Variants in KLHL6 observed in about 807,000 individuals in gnomAD.
KLHL6 encodes kelch-like protein 6.
In KLHL6, 41 loss-of-function variants were observed where a neutral mutation model predicts 58.6. The ratio of observed to expected loss-of-function variants is 0.70; its 90% CI spans 0.55 to 0.91. The LOEUF (loss-of-function observed/expected upper bound fraction) is 0.91, where lower values mean the gene tolerates loss of function less well. KLHL6 is among the 40% of genes least tolerant of loss of function. The probability of loss-of-function intolerance (pLI) is 0.00; values close to 1 mark genes in which losing one functional copy is unlikely to be tolerated. For missense variants in KLHL6, 714 were observed against 805.6 expected (o/e 0.89, Z 1.38); for synonymous variants, 338 against 322.7 (o/e 1.05, Z -0.51).
intron 1 of KLHL6, among the ~76,000 whole-genome samples, chr3:183,553,278 G>A (rs568226787): frequency 2.3e-4 from 35 of 152,042 alleles, no homozygotes; most frequent in African/African-American, 7.5e-4. Context: ...TCTGACGACC[G>A]GCAGAGACTT....
intron 4 of KLHL6, 116 bp from the exon 5 acceptor site, chr3:183,494,397 G>A: frequency 1.3e-6 from 1 of 781,632 alleles, no homozygotes; most frequent in South Asian, 1.6e-5. Flanking sequence ...TACCCTGAGG[G>A]GAGATACAAG....
At chr3:183,555,299 C>T (rs1713069067) in intron 1 of KLHL6, 62 bp downstream of exon 1, 1 of 1,445,622 alleles carries the variant, frequency 6.9e-7, no homozygotes, top group Admixed American at 1.8e-5. Flanking sequence ...TGGGCTCTCA[C>T]ACTAACACAC....
intron 1 of KLHL6, among the ~76,000 whole-genome samples, chr3:183,531,406 A>G (rs999315812): frequency 6.7e-6 from 1 of 148,348 alleles, no homozygotes; most frequent in African/African-American, 2.5e-5. Flanking sequence ...CTTGGGACAC[A>G]TCACTTCTTC....
chr3:183,516,381 C>T (rs1711557481), intron 2 of KLHL6, among the ~76,000 whole-genome samples: 1 of 152,228 alleles, frequency 6.6e-6, no homozygotes, highest in South Asian at 2.1e-4. Flanking sequence ...CGGCCTGTCC[C>T]GATGACACAT....
intron 2 of KLHL6, among the ~76,000 whole-genome samples, chr3:183,508,806 C>T (rs1281409650): frequency 2.0e-5 from 3 of 152,154 alleles, no homozygotes; most frequent in Non-Finnish European, 2.9e-5. Context: ...GAGACACTTA[C>T]GGGACTAGCT....
intron 2 of KLHL6, 82 bp downstream of exon 2, chr3:183,527,763 G>C (rs919639099): frequency 7.1e-6 from 9 of 1,262,312 alleles, no homozygotes; most frequent in Middle Eastern, 2.6e-4. Context: ...ACAGGCCTGG[G>C]AGCTAGACCA....
chr3:183,511,545 G>A (rs1420404679), intron 2 of KLHL6, among the ~76,000 whole-genome samples: 2 of 152,130 alleles, frequency 1.3e-5, no homozygotes, highest in East Asian at 1.9e-4. Flanking sequence ...CCCATCCCAC[G>A]AGGCCATATT....
At chr3:183,541,610 C>T in intron 1 of KLHL6, among the ~76,000 whole-genome samples, 1 of 152,154 alleles carries the variant, frequency 6.6e-6, no homozygotes, top group Non-Finnish European at 1.5e-5. Context: ...GAGGCCAAGG[C>T]AGGAGGCTCA....
At chr3:183,531,046 C>G (rs1460978849) in intron 1 of KLHL6, among the ~76,000 whole-genome samples, 1 of 151,920 alleles carries the variant, frequency 6.6e-6, no homozygotes, top group Non-Finnish European at 1.5e-5. Flanking sequence ...GTTGGCCAGG[C>G]TGGTCTCAAA....
chr3:183,494,015 A>C, intron 5 of KLHL6, 64 bp downstream of exon 5: 1 of 1,463,126 alleles, frequency 6.8e-7, no homozygotes, highest in South Asian at 1.1e-5. Flanking sequence ...CACGTTCCAA[A>C]GCTTTTTAAA....
At position 183,488,677 on chromosome 3, in the gene KLHL6, C is replaced by T. The variant is rs1279890650; in HGVS notation, c.*3250G>A. On this transcript the variant is annotated 3_prime_UTR_variant, in exon 7 of 7. Transcript: ENST00000341319. ...TGATGGTGTGGGTTATAACAGTTACCTTCCTGCAAATGTGTTCGTCTTTAT... is the reference window on the plus strand; with the variant it reads ...TGATGGTGTGGGTTATAACAGTTACTTTCCTGCAAATGTGTTCGTCTTTAT... 2 of 152,204 alleles carry T rather than the reference C, an allele frequency of 1.3e-5. No homozygotes were observed. Among genetic ancestry groups the T allele is most frequent in the African/African-American group, 4.8e-5 (2 of 41,446 alleles). 9.4% of individuals were successfully genotyped at this position (152,204 alleles called of 1,614,324 possible).
intron 2 of KLHL6, among the ~76,000 whole-genome samples, chr3:183,517,034 G>A (rs936264219): frequency 1.9e-4 from 29 of 152,178 alleles, no homozygotes; most frequent in African/African-American, 4.6e-4. Context: ...TCAGCCTCCC[G>A]AGTAGCTGGG....
chr3:183,510,261 T>A (rs545130194), intron 2 of KLHL6, among the ~76,000 whole-genome samples: 42 of 143,644 alleles, frequency 2.9e-4, no homozygotes, highest in African/African-American at 1.0e-3. Flanking sequence ...GGTTGATCGA[T>A]TAATGGGGGG....
intron 1 of KLHL6, among the ~76,000 whole-genome samples, chr3:183,531,455 T>G (rs1445892514): frequency 5.1e-5 from 7 of 138,094 alleles, no homozygotes; most frequent in South Asian, 5.0e-4. Context: ...TTTTTTTTTT[T>G]TTTTTTTTTT....
chr3:183,520,070 A>T (rs141543214), intron 2 of KLHL6: 1 of 152,344 alleles, frequency 6.6e-6, no homozygotes, highest in Non-Finnish European at 1.5e-5. Context: ...AACAGATGCT[A>T]GAGCAGTAAT....
At position 183,527,918 on chromosome 3, in the gene KLHL6, T is replaced by C; in HGVS notation, c.386A>G (p.Tyr129Cys). The part of the protein sequence containing the change: ...DAETMHTLLD[Y>C]TYTSKALITK... ...GATCAGCGCCTTGCTGGTGTACGTG[T>C]AGTCCAACAGAGTGTGCATGGTCTC... The change falls in exon 2 of 7, where the codon TAC becomes TGC. Residue 129 changes from tyrosine to cysteine, a missense_variant. Physicochemically the swap from Tyr to Cys is radical, Grantham distance 194. This residue lies in a region of KLHL6 where 204 missense variants were observed against 175.9 expected (regional missense o/e 1.16). Transcript: ENST00000341319. 6.2e-7 allele frequency: 1 copy of C among 1,614,110 alleles called. No homozygotes were observed. Among genetic ancestry groups the C allele is most frequent in the Non-Finnish European group, 8.5e-7 (1 of 1,179,992 alleles).
rs779396978 is a variant in KLHL6, at chr3:183,555,362, T to G, written c.292A>C (p.Arg98=). 1.2e-6 allele frequency: 2 copies of G among 1,613,632 alleles called. No individual in the cohort carries two copies. The highest frequency in any genetic ancestry group is 2.2e-5 in the East Asian group (1 of 44,888). Residue 98 remains arginine, a splice_region_variant and synonymous_variant, in exon 1 of 7, where the codon AGG becomes CGG. Transcript: ENST00000341319. The stretch of plus-strand genomic sequence containing the variant: ...GACTCTGGTCCTAGGCATGCTGACC[T>G]GAAATAGTTGCTGGCTGCGGCAAGC... ...VVLAAASNYF[R]AMFCNDLKEK...
chr3:183,543,825 G>A lies in KLHL6; in HGVS notation c.293+11536C>T, dbSNP rs1446212999. Among the ~76,000 whole-genome samples the A allele has an allele frequency of 2.0e-5, 3 of 152,278 alleles. No individual in the cohort carries two copies. In the East Asian group the frequency reaches 5.8e-4, roughly 29 times the overall value. On this transcript the variant is annotated intron_variant, in intron 1 of 6. Transcript: ENST00000341319. ...AGATCCCAGAGCATCTCTTCAGAAA[G>A]GGCTATGATGCAACCTGTTAGTTTT...
chr3:183,497,143 G>A (rs775676153), intron 4 of KLHL6, among the ~76,000 whole-genome samples: 1 of 152,186 alleles, frequency 6.6e-6, no homozygotes, highest in Non-Finnish European at 1.5e-5. Flanking sequence ...CAGGCATGGT[G>A]GTGGGCACCT....
Sources: gnomAD v4.1 joint callset for allele counts (sites outside exome capture counted in the v4.1 genomes callset) on GRCh38, gnomAD v4.1.1 for gene constraint, gnomAD v4.1.1 regional missense constraint, MANE v1.5 for transcripts, NCBI Gene and HGNC (gene_info 2026-07-23, HGNC 2026-07-21) for gene names.